The following PITPNM3 variants were observed in gnomAD, a reference collection of about 807,000 sequenced individuals.
PITPNM3 encodes PITPNM family member 3.
In PITPNM3, 26 loss-of-function variants were observed where a neutral mutation model predicts 102.0. That is an observed-to-expected ratio of 0.25 (90% confidence interval 0.19 to 0.35). The LOEUF (loss-of-function observed/expected upper bound fraction) is 0.35. Among genes scored for constraint, PITPNM3 ranks in the 10% least tolerant of loss-of-function variants. The pLI, the probability that PITPNM3 is intolerant of heterozygous loss-of-function variation, is 1.00. For synonymous variants in PITPNM3, 578 were observed against 558.6 expected, an observed-to-expected ratio of 1.03 and a Z score of -0.49; for missense variants, 1,083 against 1,346.1, an observed-to-expected ratio of 0.80 and a Z score of 3.06.
chr17:6,512,257 G>A (rs1351841627), intron 3 of PITPNM3, among the ~76,000 whole-genome samples: 2 of 152,200 alleles, frequency 1.3e-5, no homozygotes, highest in African/African-American at 2.4e-5. Flanking sequence ...ATAATTCGAT[G>A]ACAGCAGGTT....
chr17:6,483,126 A>C (rs551854706), intron 6 of PITPNM3, among the ~76,000 whole-genome samples: 2 of 152,058 alleles, frequency 1.3e-5, no homozygotes, highest in South Asian at 4.2e-4. Context: ...TTATATTTGT[A>C]GTAGAGACAG....
rs181113917 is a variant in PITPNM3 at position 6,477,890 on chromosome 17, C to A, written c.900+85G>T. 5 of 1,591,054 alleles carry A rather than the reference C, an allele frequency of 3.1e-6. No individual in the cohort carries two copies. The East Asian group carries it at 1.1e-4, about 36-fold the overall frequency. On this transcript the variant is annotated intron_variant, in intron 8 of 19. Coordinates refer to ENST00000262483, the MANE Select transcript of PITPNM3 (RefSeq NM_031220.4). ...TGTGACCTGGATGTCATGGTGCCAA[C>A]GTGAAGAACCAGCACTCTCTCCCCG...
intron 1 of PITPNM3, among the ~76,000 whole-genome samples, chr17:6,553,918 G>A (rs1479720036): frequency 6.6e-6 from 1 of 152,146 alleles, no homozygotes; most frequent in African/African-American, 2.4e-5. Context: ...CCTCTGTTCT[G>A]AAGCTCACCA....
Position 6,483,570 on chromosome 17 carries a change from G to A in PITPNM3, c.534C>T (p.Ile178=). 1 of 1,614,036 alleles carries A rather than the reference G, an allele frequency of 6.2e-7. No individual in the cohort carries two copies. The highest frequency in any genetic ancestry group is 8.5e-7 in the Non-Finnish European group (1 of 1,179,998). Residue 178 remains isoleucine (I), a synonymous_variant, in exon 6 of 20, where the codon ATC becomes ATT. Transcript: ENST00000262483. ...HFPAALGHIL[I]KFVPCPAICS... ...AGATGGCAGGACAGGGGACGAACTT[G>A]ATGAGGATGTGGCCCAGGGCAGCAG...
chr17:6,507,054 C>T (rs1280139673), intron 3 of PITPNM3, among the ~76,000 whole-genome samples: 1 of 152,146 alleles, frequency 6.6e-6, no homozygotes, highest in Non-Finnish European at 1.5e-5. Flanking sequence ...GGAGTATAAG[C>T]ACCTAACCTC....
At position 6,458,642 on chromosome 17, in the gene PITPNM3, C is replaced by T. The variant is rs1904321850; in HGVS notation, c.2491-920G>A. On this transcript the variant is annotated intron_variant, in intron 18 of 19. Coordinates refer to ENST00000262483, the MANE Select transcript of PITPNM3 (RefSeq NM_031220.4). The surrounding 1 kb of genome is among the most constrained non-coding windows in gnomAD (Gnocchi z 5.1). ...CTCCCCACCACTTCTCCGCCAGCCC[C>T]CACCTGGCTGCTCTCAGCCTTACTG... is the stretch of plus-strand genomic sequence containing the variant. 4.6e-5 allele frequency among the ~76,000 whole-genome samples: 7 copies of T among 152,206 alleles called. No homozygotes were observed. Among genetic ancestry groups the T allele is most frequent in the Admixed American group, 3.9e-4 (6 of 15,286 alleles).
At chr17:6,518,441 G>A (rs571589053) in intron 3 of PITPNM3, among the ~76,000 whole-genome samples, 1 of 149,738 alleles carries the variant, frequency 6.7e-6, no homozygotes. Flanking sequence ...AAAGGTAATG[G>A]GTAAAAAAGC....
chr17:6,538,841 C>T (rs1193352280), intron 1 of PITPNM3, among the ~76,000 whole-genome samples: 1 of 152,198 alleles, frequency 6.6e-6, no homozygotes, highest in South Asian at 2.1e-4. Flanking sequence ...GGGGGGTGGA[C>T]ATCCTCCCTA....
At chr17:6,547,841 G>T (rs1162312766) in intron 1 of PITPNM3, among the ~76,000 whole-genome samples, 1 of 151,718 alleles carries the variant, frequency 6.6e-6, no homozygotes, top group Non-Finnish European at 1.5e-5. Flanking sequence ...GTTCTCTCCT[G>T]CCTCAGCCTC....
rs924252081 is a variant in PITPNM3, at chr17:6,472,056, C to T, written c.1429+601G>A. Among the ~76,000 whole-genome samples the T allele has an allele frequency of 1.3e-5, 2 of 152,174 alleles. No individual in the cohort carries two copies. The highest frequency in any genetic ancestry group is 1.9e-4 in the East Asian group (1 of 5,198). ...CAAGTAGGGCGTGGAGCCAAGGCTC[C>T]GATTTCCAAGCTGCTGACTGTCCAT... On this transcript the variant is annotated intron_variant, in intron 11 of 19. Coordinates refer to ENST00000262483, the MANE Select transcript of PITPNM3 (RefSeq NM_031220.4). The surrounding 1 kb of genome is among the most constrained non-coding windows in gnomAD (Gnocchi z 4.1).
At position 6,468,816 on chromosome 17, in the gene PITPNM3, C is replaced by A. The variant is rs185501724; in HGVS notation, c.1774-475G>T. Among the ~76,000 whole-genome samples the A allele has an allele frequency of 4.2e-4, 64 of 152,290 alleles. No individual in the cohort carries two copies. Among genetic ancestry groups the A allele is most frequent in the African/African-American group, 1.5e-3 (64 of 41,556 alleles). ...AATACTGCCCATCTTAAAAAATACT[C>A]TCTCAGATTCCTCATGCCTCTCCAG... On this transcript the variant is annotated intron_variant, in intron 13 of 19. Transcript: ENST00000262483. The surrounding 1 kb of genome is among the most constrained non-coding windows in gnomAD (Gnocchi z 5.2).
In PITPNM3 at chr17:6,556,495, C is replaced by G. The variant is rs1219799642; in HGVS notation, c.-89G>C. The G allele has an allele frequency of 2.2e-6, 2 of 904,878 alleles. No homozygotes were observed. Among genetic ancestry groups the G allele is most frequent in the Non-Finnish European group, 2.7e-6 (2 of 750,872 alleles). 56.1% of individuals were successfully genotyped at this position (904,878 alleles called of 1,614,324 possible). On this transcript the variant is annotated 5_prime_UTR_variant, in exon 1 of 20. Transcript: ENST00000262483. This position sits in a 1 kb window ranked among gnomAD's most constrained non-coding sequence, Gnocchi z 5.2. ...ACCGCCTCCGGCCCCGAACGGACTC[C>G]GAGCGCCGCGCCCGCGCCCCCGCCC...
intron 1 of PITPNM3, among the ~76,000 whole-genome samples, chr17:6,548,562 T>C (rs1431874400): frequency 6.6e-6 from 1 of 151,798 alleles, no homozygotes; most frequent in Non-Finnish European, 1.5e-5. Flanking sequence ...CTGTTGAGGG[T>C]AGTAATCTGG....
rs1329155083 is a variant in PITPNM3 at position 6,468,645 on chromosome 17, G to A, written c.1774-304C>T. ...GCCCTCCCTCTGTTACAACAAGGTG[G>A]CCCTTTCTTAAGGCCGGCTTGAGTC... On this transcript the variant is annotated intron_variant, in intron 13 of 19. Transcript: ENST00000262483. The surrounding 1 kb of genome is among the most constrained non-coding windows in gnomAD (Gnocchi z 5.2). 6.6e-6 allele frequency among the ~76,000 whole-genome samples: 1 copy of A among 152,118 alleles called. No homozygotes were observed. Among genetic ancestry groups the A allele is most frequent in the African/African-American group, 2.4e-5 (1 of 41,406 alleles).
At position 6,478,191 on chromosome 17, in the gene PITPNM3, T is replaced by A; in HGVS notation, c.778-94A>T. On this transcript the variant is annotated intron_variant, in intron 7 of 19. Coordinates refer to ENST00000262483, the MANE Select transcript of PITPNM3 (RefSeq NM_031220.4). The surrounding 1 kb of genome is among the most constrained non-coding windows in gnomAD (Gnocchi z 4.4). Reference sequence around the variant, plus strand: ...GCAGTGCTGCCTCCCCACAGGAGAATGAGAAACTCGTCCTTGGGAGGTGTT... The same window carrying A: ...GCAGTGCTGCCTCCCCACAGGAGAAAGAGAAACTCGTCCTTGGGAGGTGTT... 6.3e-7 allele frequency: 1 copy of A among 1,582,346 alleles called. No individual in the cohort carries two copies. Among genetic ancestry groups the A allele is most frequent in the East Asian group, 2.3e-5 (1 of 44,378 alleles).
At chr17:6,474,264 C>T (rs1164385921) in intron 10 of PITPNM3, among the ~76,000 whole-genome samples, 168 bp downstream of exon 10, 1 of 152,090 alleles carries the variant, frequency 6.6e-6, no homozygotes, top group Non-Finnish European at 1.5e-5. Flanking sequence ...AGGGAAGCTG[C>T]TCCTCTCTCC....
At chr17:6,548,861 A>G (rs1910166082) in intron 1 of PITPNM3, among the ~76,000 whole-genome samples, 1 of 152,136 alleles carries the variant, frequency 6.6e-6, no homozygotes. Flanking sequence ...CCTCCCAGAC[A>G]GAGCCCAACG....
intron 3 of PITPNM3, among the ~76,000 whole-genome samples, chr17:6,508,045 G>A (rs1907642250): frequency 6.6e-6 from 1 of 151,752 alleles, no homozygotes; most frequent in Admixed American, 6.6e-5. Flanking sequence ...GGAATGCTGG[G>A]GTTGCTGGGG....
In PITPNM3 at chr17:6,491,287, A is replaced by G. The variant is rs1046889453; in HGVS notation, c.275-6995T>C. Among the ~76,000 whole-genome samples, 33 of 152,282 alleles carry G rather than the reference A, an allele frequency of 2.2e-4. 1 individual carries two copies. The highest frequency in any genetic ancestry group is 7.7e-4 in the African/African-American group (32 of 41,568). ...GGGAGGGGAACACACTGGCAGAATA[A>G]GAAACTATCTAAGGAACCCATAGCT... On this transcript the variant is annotated intron_variant, in intron 4 of 19. Transcript: ENST00000262483.
Sources: allele counts gnomAD v4.1 joint callset (sites outside exome capture counted in the v4.1 genomes callset), GRCh38; gene constraint gnomAD v4.1.1; non-coding constraint Gnocchi (gnomAD v3.1); transcripts MANE v1.5; gene names NCBI Gene and HGNC (gene_info 2026-07-23, HGNC 2026-07-21).